The following CCDC175 variants were observed in gnomAD, a reference collection of about 807,000 sequenced individuals.
CCDC175 encodes coiled-coil domain containing 175.
In CCDC175, 100 loss-of-function variants were observed where a neutral mutation model predicts 114.6. The ratio of observed to expected loss-of-function variants is 0.87; its 90% CI spans 0.74 to 1.03. The LOEUF (loss-of-function observed/expected upper bound fraction) is 1.03, where lower values mean the gene tolerates loss of function less well. Ranked by LOEUF, CCDC175 falls within the 50% of genes least tolerant of loss-of-function variation. CCDC175 has a pLI of 0.00. For missense variants in CCDC175, 880 were observed against 917.8 expected (o/e 0.96, Z 0.53); for synonymous variants, 306 against 308.7 (o/e 0.99, Z 0.09).
rs904834214 is a variant in CCDC175 at position 59,518,740 on chromosome 14, C to G, written c.2098+2834G>C. On this transcript the variant is annotated intron_variant, in intron 17 of 19. Transcript: ENST00000537690. ...TGGTGGGACTGTAAACTAGTTCAAC[C>G]ATTGTGGAAGTCAGTGTGGTGATTC... is the stretch of plus-strand genomic sequence containing the variant. Among the ~76,000 whole-genome samples, 25 of 152,090 alleles carry G rather than the reference C, an allele frequency of 1.6e-4. 1 individual carries two copies. Among genetic ancestry groups the G allele is most frequent in the African/African-American group, 5.8e-4 (24 of 41,396 alleles).
At chr14:59,521,884 C>A (rs944828255) in intron 16 of CCDC175, among the ~76,000 whole-genome samples, 2 of 152,228 alleles carry the variant, frequency 1.3e-5, no homozygotes, top group Non-Finnish European at 2.9e-5. Flanking sequence ...TGAAGCATTT[C>A]ACTTCAGCAT....
intron 17 of CCDC175, among the ~76,000 whole-genome samples, chr14:59,520,755 G>A (rs1279795946): frequency 6.6e-6 from 1 of 152,138 alleles, no homozygotes; most frequent in African/African-American, 2.4e-5. Context: ...AGGTATAAAA[G>A]TGTGCACCCT....
chr14:59,521,661 T>C lies in CCDC175; in HGVS notation c.2011A>G (p.Lys671Glu). 1 of 1,519,158 alleles carries C rather than the reference T, an allele frequency of 6.6e-7. No individual in the cohort carries two copies. Among genetic ancestry groups the C allele is most frequent in the Non-Finnish European group, 8.8e-7 (1 of 1,130,592 alleles). 94.1% of individuals were successfully genotyped at this position (1,519,158 alleles called of 1,614,324 possible). ...TCTCTGTATTTCTCTATGTTATTCT[T>C]CAAGTATAAAATATACTGAAAATTA... is the stretch of plus-strand genomic sequence containing the variant. The part of the protein sequence containing the change: ...KKLKEYILYL[K>E]NNIEKYREGQ... Residue 671 changes from lysine to glutamate, a missense_variant, in exon 17 of 20, where the codon AAG becomes GAG. Lys to Glu is a moderately conservative substitution (Grantham distance 56). Coordinates refer to ENST00000537690, the MANE Select transcript of CCDC175 (RefSeq NM_001164399.2).
At chr14:59,554,705 T>C (rs1170913765) in intron 7 of CCDC175, among the ~76,000 whole-genome samples, 3 of 151,678 alleles carry the variant, frequency 2.0e-5, no homozygotes, top group Non-Finnish European at 4.4e-5. Flanking sequence ...TCAACAAAAT[T>C]GATAGACTGC....
At chr14:59,514,149 A>G (rs931430727) in intron 17 of CCDC175, among the ~76,000 whole-genome samples, 1 of 152,226 alleles carries the variant, frequency 6.6e-6, no homozygotes, top group Non-Finnish European at 1.5e-5. Flanking sequence ...GGACATCCAC[A>G]CCAAAACCCC....
In CCDC175 at chr14:59,565,111, G is replaced by A. The variant is rs1010834035; in HGVS notation, c.656C>T (p.Ala219Val). The change falls in exon 5 of 20, where the codon GCA becomes GTA. Residue 219 changes from alanine (A) to valine (V), a missense_variant. By Grantham distance (64) the Ala-to-Val change is moderately conservative. Transcript: ENST00000537690. ...IALQKKCIQE[A>V]EELMEKERAE... Reference sequence around the variant, plus strand: ...CCTTTCTTTTTCCATTAGCTCCTCTGCCTCTTGAATACATTTTTTTTGCAA... The same window carrying A: ...CCTTTCTTTTTCCATTAGCTCCTCTACCTCTTGAATACATTTTTTTTGCAA... 7.2e-6 allele frequency: 11 copies of A among 1,537,720 alleles called. No individual in the cohort carries two copies. The highest frequency in any genetic ancestry group is 6.1e-6 in the Non-Finnish European group (7 of 1,147,004).
chr14:59,527,210 AT>A, intron 14 of CCDC175, 36 bp from the exon 15 acceptor site: 1 of 1,099,080 alleles, frequency 9.1e-7, no homozygotes. Flanking sequence ...TACCTCAAAA[AT>A]TTAGTTAAAA....
chr14:59,557,009 C>G (rs1300081331), intron 7 of CCDC175, among the ~76,000 whole-genome samples: 3 of 152,196 alleles, frequency 2.0e-5, no homozygotes, highest in African/African-American at 7.2e-5. Context: ...CACTTCTACA[C>G]TGTTGGTGGG....
intron 13 of CCDC175, among the ~76,000 whole-genome samples, chr14:59,534,570 CAGA>C (rs550347336): frequency 2.0e-5 from 3 of 152,310 alleles, no homozygotes; most frequent in Non-Finnish European, 4.4e-5. Flanking sequence ...ATCACAGTTG[CAGA>C]AGGTCAAGTC....
chr14:59,562,627 C>A (rs535060952), intron 6 of CCDC175, among the ~76,000 whole-genome samples: 15 of 152,044 alleles, frequency 9.9e-5, no homozygotes, highest in Non-Finnish European at 2.2e-4. Context: ...GGGGAAGGAC[C>A]CGGAGGCAAA....
chr14:59,525,593 C>T (rs1188593327), intron 15 of CCDC175, among the ~76,000 whole-genome samples, 159 bp from the exon 16 acceptor site: 1 of 152,130 alleles, frequency 6.6e-6, no homozygotes, highest in Middle Eastern at 3.2e-3. Context: ...ATCAACCCCA[C>T]ATTTATTCAT....
intron 7 of CCDC175, among the ~76,000 whole-genome samples, chr14:59,554,054 A>C (rs1001371148): frequency 2.6e-5 from 4 of 152,222 alleles, no homozygotes; most frequent in African/African-American, 9.6e-5. Flanking sequence ...TAGACAGATC[A>C]ATGAGACAGA....
At chr14:59,555,812 A>G (rs1408219052) in intron 7 of CCDC175, among the ~76,000 whole-genome samples, 2 of 152,222 alleles carry the variant, frequency 1.3e-5, no homozygotes, top group Non-Finnish European at 1.5e-5. Flanking sequence ...GCATTCTTAT[A>G]TACCAATAAC....
At chr14:59,562,627 C>G (rs535060952) in intron 6 of CCDC175, among the ~76,000 whole-genome samples, 1 of 152,044 alleles carries the variant, frequency 6.6e-6, no homozygotes, top group Non-Finnish European at 1.5e-5. Flanking sequence ...GGGGAAGGAC[C>G]CGGAGGCAAA....
chr14:59,559,405 A>G (rs1896106607), intron 7 of CCDC175, among the ~76,000 whole-genome samples: 1 of 152,178 alleles, frequency 6.6e-6, no homozygotes, highest in African/African-American at 2.4e-5. Flanking sequence ...GTCCAAACGC[A>G]CATGGAATTT....
chr14:59,553,222 G>A (rs1895641175), intron 7 of CCDC175, among the ~76,000 whole-genome samples: 1 of 152,170 alleles, frequency 6.6e-6, no homozygotes, highest in African/African-American at 2.4e-5. Context: ...GAGAAAGGTT[G>A]GGTTACCCAC....
Position 59,508,399 on chromosome 14 carries a change from TACACAC to T in CCDC175, c.2305+2241_2305+2246del, listed in dbSNP as rs71451066. Among the ~76,000 whole-genome samples, 1,045 of 97,376 alleles carry T rather than the reference TACACAC, an allele frequency of 0.011. 42 individuals are homozygous for T. The East Asian group carries it at 0.14, about 13-fold the overall frequency. The allele number at this position is 97,376 out of a possible 152,430, so 63.9% of individuals were successfully genotyped here. A position where few individuals can be genotyped will look rare whatever the true frequency, so the allele number is the denominator to read the frequency against. On this transcript the variant is annotated intron_variant, in intron 19 of 19. Transcript: ENST00000537690. ...ACATGGCATAACCTCGTCTCCAAAATACACACACACACACACACACACACACACACA... is the reference window on the plus strand; with the variant it reads ...ACATGGCATAACCTCGTCTCCAAAATACACACACACACACACACACACACA...
chr14:59,561,320 A>T lies in CCDC175; in HGVS notation c.844-92T>A, dbSNP rs1056900143. 4 of 603,700 alleles carry T rather than the reference A, an allele frequency of 6.6e-6. No individual in the cohort carries two copies. In the South Asian group the frequency reaches 9.6e-5, roughly 15 times the overall value. The allele number at this position is 603,700 out of a possible 1,614,324, so 37.4% of individuals were successfully genotyped here. On this transcript the variant is annotated intron_variant, in intron 6 of 19. Transcript: ENST00000537690. ...TCCACTCAATATTCATGAATTACTC[A>T]TTCAACTTTTACATTAGGAGTGTAC...
chr14:59,527,243 T>C (rs1303857501), intron 14 of CCDC175, 69 bp from the exon 15 acceptor site: 2 of 820,286 alleles, frequency 2.4e-6, no homozygotes, highest in African/African-American at 3.6e-5. Flanking sequence ...AAGAAGTACC[T>C]AGTTTTAAAA....
Sources: gnomAD v4.1 joint callset for allele counts (sites outside exome capture counted in the v4.1 genomes callset) on GRCh38, gnomAD v4.1.1 for gene constraint, MANE v1.5 for transcripts, NCBI Gene and HGNC (gene_info 2026-07-23, HGNC 2026-07-21) for gene names.